Variants in ENOX1 observed in about 807,000 individuals in gnomAD.
ENOX1 encodes candidate growth-related and time keeping constitutive hydroquinone (NADH) oxidase.
Under a neutral mutation model 82.5 loss-of-function variants are expected in ENOX1, and 42 were observed. That is an observed-to-expected ratio of 0.51 (90% CI 0.40 to 0.66). ENOX1 has a LOEUF of 0.66. ENOX1 is among the 30% of genes least tolerant of loss of function. ENOX1 has a pLI of 0.00. For synonymous variants in ENOX1, 271 were observed against 282.2 expected (o/e 0.96, Z 0.40); for missense variants, 608 against 811.6 (o/e 0.75, Z 3.05).
chr13:43,531,466 A>C (rs1317725323), intron 2 of ENOX1, among the ~76,000 whole-genome samples: 1 of 150,280 alleles, frequency 6.7e-6, no homozygotes, highest in Non-Finnish European at 1.5e-5. Flanking sequence ...ACACTTTTAC[A>C]CTGTTGGTGG....
chr13:43,708,431 T>C (rs118151608), intron 1 of ENOX1, among the ~76,000 whole-genome samples: 1 of 152,164 alleles, frequency 6.6e-6, no homozygotes, highest in Non-Finnish European at 1.5e-5. Context: ...CCTCTTCCAG[T>C]GTACTTTACT....
In ENOX1 at chr13:43,240,539, G is replaced by A. The variant is rs368319852; in HGVS notation, c.1612-3801C>T. 2.6e-5 allele frequency among the ~76,000 whole-genome samples: 4 copies of A among 152,050 alleles called. No individual in the cohort carries two copies. In the East Asian group the frequency reaches 7.7e-4, roughly 29 times the overall value. On this transcript the variant is annotated intron_variant, in intron 14 of 16. Coordinates refer to ENST00000690772, the MANE Select transcript of ENOX1 (RefSeq NM_001347969.2). Reference sequence around the variant, plus strand: ...GATGATGACAGTCAAAACCCATGCAGAGTGCAAACAGCATTTAAGAGGTGG... The same window carrying A: ...GATGATGACAGTCAAAACCCATGCAAAGTGCAAACAGCATTTAAGAGGTGG...
At chr13:43,740,690 C>T (rs2089864792) in intron 1 of ENOX1, among the ~76,000 whole-genome samples, 1 of 152,154 alleles carries the variant, frequency 6.6e-6, no homozygotes, top group Non-Finnish European at 1.5e-5. Context: ...GTCACTTCAA[C>T]CTCCACCCCA....
chr13:43,234,812 G>T (rs944083153), intron 15 of ENOX1, among the ~76,000 whole-genome samples: 1 of 152,138 alleles, frequency 6.6e-6, no homozygotes, highest in Non-Finnish European at 1.5e-5. Flanking sequence ...ACTGAAAAAA[G>T]TACATGTATG....
chr13:43,581,754 A>G (rs1423841192), intron 2 of ENOX1, among the ~76,000 whole-genome samples: 1 of 152,222 alleles, frequency 6.6e-6, no homozygotes, highest in Non-Finnish European at 1.5e-5. Context: ...CCTGTAATGC[A>G]CATGGCAGCC....
intron 12 of ENOX1, among the ~76,000 whole-genome samples, chr13:43,274,281 C>A (rs905730194): frequency 6.6e-6 from 1 of 152,186 alleles, no homozygotes; most frequent in Non-Finnish European, 1.5e-5. Flanking sequence ...ACAATAAGAA[C>A]AAAATCACCA....
chr13:43,703,387 C>G (rs1443308054), intron 1 of ENOX1, among the ~76,000 whole-genome samples: 1 of 152,076 alleles, frequency 6.6e-6, no homozygotes, highest in African/African-American at 2.4e-5. Context: ...TTAGTTTTTC[C>G]CTTCCATTTA....
At chr13:43,489,436 G>A (rs921696534) in intron 2 of ENOX1, among the ~76,000 whole-genome samples, 3 of 152,260 alleles carry the variant, frequency 2.0e-5, no homozygotes, top group African/African-American at 2.4e-5. Context: ...AGCTGCTTCC[G>A]CCTAGATTTC....
chr13:43,719,208 T>A (rs540555326), intron 1 of ENOX1, among the ~76,000 whole-genome samples: 1 of 152,178 alleles, frequency 6.6e-6, no homozygotes, highest in East Asian at 1.9e-4. Context: ...CCTCTTCTAT[T>A]ACTGCCTATT....
chr13:43,595,584 A>G (rs76745449), intron 2 of ENOX1, among the ~76,000 whole-genome samples: 7,371 of 152,268 alleles, frequency 0.048, 596 homozygotes, highest in African/African-American at 0.17. Flanking sequence ...GCCCTCAATT[A>G]ACATTCTTTC....
At chr13:43,443,537 G>T (rs559030448) in intron 3 of ENOX1, among the ~76,000 whole-genome samples, 1 of 152,314 alleles carries the variant, frequency 6.6e-6, no homozygotes, top group East Asian at 1.9e-4. Context: ...CTGCCTGCGT[G>T]ATGCAAGGTG....
chr13:43,511,219 C>T (rs1223037208), intron 2 of ENOX1, among the ~76,000 whole-genome samples: 1 of 152,090 alleles, frequency 6.6e-6, no homozygotes, highest in Non-Finnish European at 1.5e-5. Context: ...AAGCACATTG[C>T]TAAATGTGTT....
chr13:43,532,837 T>C (rs868229120), intron 2 of ENOX1, among the ~76,000 whole-genome samples: 2 of 151,502 alleles, frequency 1.3e-5, no homozygotes, highest in Non-Finnish European at 2.9e-5. Flanking sequence ...GAGTATCTTA[T>C]GTTAAACAAT....
intron 1 of ENOX1, among the ~76,000 whole-genome samples, chr13:43,675,763 T>TCA (rs984277688): frequency 5.3e-5 from 8 of 152,074 alleles, no homozygotes; most frequent in African/African-American, 1.9e-4. Context: ...CTGCCGTACA[T>TCA]CACACCCTCT....
At chr13:43,705,203 A>G (rs1460447552) in intron 1 of ENOX1, among the ~76,000 whole-genome samples, 4 of 151,490 alleles carry the variant, frequency 2.6e-5, no homozygotes, top group African/African-American at 9.7e-5. Flanking sequence ...CAAAAATTAA[A>G]TTAAATATAT....
intron 14 of ENOX1, among the ~76,000 whole-genome samples, chr13:43,244,904 A>G (rs550563359): frequency 1.3e-5 from 2 of 152,312 alleles, no homozygotes; most frequent in East Asian, 3.9e-4. Flanking sequence ...ACACTTCATG[A>G]AATCGGGGGC....
At chr13:43,762,666 C>T (rs1049085357) in intron 1 of ENOX1, among the ~76,000 whole-genome samples, 1 of 152,146 alleles carries the variant, frequency 6.6e-6, no homozygotes, top group East Asian at 1.9e-4. Context: ...CACTCGGAAT[C>T]CTAGAGTATT....
intron 12 of ENOX1, among the ~76,000 whole-genome samples, chr13:43,282,145 A>G (rs2045422847): frequency 6.6e-6 from 1 of 152,120 alleles, no homozygotes; most frequent in African/African-American, 2.4e-5. Context: ...AAATGTTTGT[A>G]TTATTCTGGT....
At position 43,368,477 on chromosome 13, in the gene ENOX1, C is replaced by T. The variant is rs953248052; in HGVS notation, c.209-7025G>A. On this transcript the variant is annotated intron_variant, in intron 5 of 16. Transcript: ENST00000690772. ...TCTTTCCAGCAATCTGTGCATGGAG[C>T]GTGCACTTGAAAAGCAAGTGTGTTT... Among the ~76,000 whole-genome samples, 4 of 152,198 alleles carry T rather than the reference C, an allele frequency of 2.6e-5. No homozygotes were observed. The South Asian group carries it at 6.2e-4, about 24-fold the overall frequency.
Sources: allele counts gnomAD v4.1 joint callset (sites outside exome capture counted in the v4.1 genomes callset), GRCh38; gene constraint gnomAD v4.1.1; transcripts MANE v1.5; gene names NCBI Gene and HGNC (gene_info 2026-07-23, HGNC 2026-07-21).